Variants in BIRC6 observed in about 807,000 individuals in gnomAD.
BIRC6 encodes dual E2 ubiquitin-conjugating enzyme/E3 ubiquitin-protein ligase BIRC6.
BIRC6 carries 98 observed loss-of-function variants against 503.3 expected under a neutral mutation model. The ratio of observed to expected loss-of-function variants is 0.19; its 90% CI spans 0.17 to 0.23. BIRC6 has a LOEUF of 0.23. Among genes scored for constraint, BIRC6 ranks in the 10% least tolerant of loss-of-function variants. The pLI is 1.00. For missense variants in BIRC6, 5,360 were observed against 5,806.0 expected (o/e 0.92, Z 2.50); for synonymous variants, 2,240 against 2,078.7 (o/e 1.08, Z -2.11).
intron 26 of BIRC6, among the ~76,000 whole-genome samples, chr2:32,466,300 T>C (rs1037913866): frequency 1.3e-5 from 2 of 152,194 alleles, no homozygotes; most frequent in African/African-American, 4.8e-5. Context: ...CTGCCTTCTG[T>C]TTTTTAATTG....
chr2:32,364,125 G>A (rs775197606), intron 1 of BIRC6, among the ~76,000 whole-genome samples: 15 of 152,326 alleles, frequency 9.8e-5, no homozygotes, highest in Non-Finnish European at 5.9e-5. Flanking sequence ...AGGTATATGT[G>A]TGCAGGTATT....
At chr2:32,493,699 A>T (rs1218793235) in intron 45 of BIRC6, 32 bp downstream of exon 45, 1 of 1,508,982 alleles carries the variant, frequency 6.6e-7, no homozygotes. Context: ...TGTTCCTGAT[A>T]TAGAAGTAAC....
rs116170965 is a variant in BIRC6 at position 32,450,021 on chromosome 2, G to C, written c.4618+1093G>C. Among the ~76,000 whole-genome samples, 4 of 152,276 alleles carry C rather than the reference G, an allele frequency of 2.6e-5. No homozygotes were observed. The East Asian group carries it at 7.7e-4, about 29-fold the overall frequency. On this transcript the variant is annotated intron_variant, in intron 22 of 73. Coordinates refer to ENST00000421745, the MANE Select transcript of BIRC6 (RefSeq NM_016252.4). ...TTGTAATTTATGATTGGAACTAGTA[G>C]GAGAGACTAGAACTGGAGATACCAA...
intron 70 of BIRC6, among the ~76,000 whole-genome samples, chr2:32,600,618 A>G (rs1159529526): frequency 6.6e-6 from 1 of 152,218 alleles, no homozygotes; most frequent in African/African-American, 2.4e-5. Context: ...TTTACTTGAG[A>G]CACTGGAACT....
chr2:32,433,450 A>C (rs950836774), intron 12 of BIRC6, among the ~76,000 whole-genome samples, 194 bp from the exon 13 acceptor site: 7 of 149,882 alleles, frequency 4.7e-5, no homozygotes, highest in African/African-American at 1.7e-4. Context: ...GTAGATTTCT[A>C]AAGTAAGATT....
chr2:32,456,550 A>G (rs758040100), intron 23 of BIRC6, among the ~76,000 whole-genome samples: 6 of 152,244 alleles, frequency 3.9e-5, no homozygotes, highest in Non-Finnish European at 7.3e-5. Flanking sequence ...AGCTTCAGTA[A>G]GTAAGTAACC....
intron 44 of BIRC6, 77 bp from the exon 45 acceptor site, chr2:32,493,463 A>T: frequency 7.2e-7 from 1 of 1,382,500 alleles, no homozygotes; most frequent in Non-Finnish European, 9.8e-7. Flanking sequence ...TTGACTTTCT[A>T]CTTGATAATT....
rs1367663491 is a variant in BIRC6, at chr2:32,463,197, G to A, written c.4757G>A (p.Ser1586Asn). Reference sequence around the variant, plus strand: ...TTTACCCCTTGTCTTATGCCAGTGAGTTCCTTCGGGGTTACTCCTGCAGTA... The same window carrying A: ...TTTACCCCTTGTCTTATGCCAGTGAATTCCTTCGGGGTTACTCCTGCAGTA... Reference protein sequence around the residue: ...GTRIERDDAMSSFGVTPAVGG... With the variant: ...GTRIERDDAMNSFGVTPAVGG... The change falls in exon 24 of 74, where the codon AGT (serine) becomes AAT (asparagine). Residue 1586 changes from serine (S) to asparagine (N), a missense_variant. By Grantham distance (46) the Ser-to-Asn change is conservative. Around this residue, in one of 16 missense-constraint regions of BIRC6, gnomAD observed 2,299 missense variants for 2,267.2 expected, o/e 1.01. Transcript: ENST00000421745. 6.2e-7 allele frequency: 1 copy of A among 1,605,750 alleles called. No homozygotes were observed. The highest frequency in any genetic ancestry group is 8.5e-7 in the Non-Finnish European group (1 of 1,177,120).
At position 32,442,581 on chromosome 2, in the gene BIRC6, TTGA is replaced by T. The variant is rs2045543635; in HGVS notation, c.4238+130_4238+132del. ...GTATAATTTAAGAGAATTTCAAAAG[TTGA>T]TGAAGATTGTTGATAATCTTAGCAA... On this transcript the variant is annotated intron_variant, in intron 19 of 73. Transcript: ENST00000421745. 3 of 1,130,978 alleles carry T rather than the reference TTGA, an allele frequency of 2.7e-6. No individual in the cohort carries two copies. The East Asian group carries it at 8.4e-5, about 32-fold the overall frequency. The allele number at this position is 1,130,978 out of a possible 1,614,324, so 70.1% of individuals were successfully genotyped here. A position where few individuals can be genotyped will look rare whatever the true frequency, so the allele number is the denominator to read the frequency against.
intron 4 of BIRC6, among the ~76,000 whole-genome samples, chr2:32,390,918 TGTA>T (rs2039146420): frequency 6.6e-6 from 1 of 152,248 alleles, no homozygotes; most frequent in Non-Finnish European, 1.5e-5. Flanking sequence ...TTTTATATTC[TGTA>T]GTAGTAATCT....
chr2:32,457,007 CCT>C lies in BIRC6; in HGVS notation c.4753+3066_4753+3067del, dbSNP rs1335686709. On this transcript the variant is annotated intron_variant, in intron 23 of 73. Transcript: ENST00000421745. ...CTTGGGCTCGAATGTCCCTCCTGCC[CCT>C]GTCTCCCAAGTACCTGGGATTGCAG... Among the ~76,000 whole-genome samples the C allele has an allele frequency of 1.1e-4, 16 of 152,168 alleles. No individual in the cohort carries two copies. In the East Asian group the frequency reaches 3.1e-3, roughly 29 times the overall value.
At chr2:32,547,254 T>C (rs1023328357) in intron 63 of BIRC6, among the ~76,000 whole-genome samples, 1 of 152,220 alleles carries the variant, frequency 6.6e-6, no homozygotes, top group Non-Finnish European at 1.5e-5. Context: ...ATTGACTTTT[T>C]AGGCTCTAAG....
At chr2:32,595,231 AT>A (rs1255005353) in intron 68 of BIRC6, 87 bp downstream of exon 68, 1 of 777,430 alleles carries the variant, frequency 1.3e-6, no homozygotes, top group Non-Finnish European at 2.0e-6. Context: ...CAAATTAAAG[AT>A]TTTTAAAATT....
Position 32,468,423 on chromosome 2 carries a change from T to G in BIRC6, c.5781-14T>G. 2 of 1,531,948 alleles carry G rather than the reference T, an allele frequency of 1.3e-6. No homozygotes were observed. Among genetic ancestry groups the G allele is most frequent in the Non-Finnish European group, 1.8e-6 (2 of 1,137,498 alleles). The allele number at this position is 1,531,948 out of a possible 1,614,324, so 94.9% of individuals were successfully genotyped here. ...ATTACAAGAATTATTTTGTTCAATC[T>G]TTTTTTACTTTAGGTATAACTTGGC... On this transcript the variant is annotated splice_polypyrimidine_tract_variant and intron_variant, in intron 28 of 73. Coordinates refer to ENST00000421745, the MANE Select transcript of BIRC6 (RefSeq NM_016252.4).
chr2:32,598,006 C>T (rs1188812145), intron 69 of BIRC6, 38 bp downstream of exon 69: 2 of 1,504,110 alleles, frequency 1.3e-6, no homozygotes, highest in Non-Finnish European at 9.1e-7. Context: ...TCCCTTATCT[C>T]CTTGGCTCAT....
intron 72 of BIRC6, among the ~76,000 whole-genome samples, chr2:32,610,479 G>A (rs577137260): frequency 3.0e-4 from 46 of 152,304 alleles, no homozygotes; most frequent in Admixed American, 1.0e-3. Context: ...ATAAAATTAA[G>A]CAAGTAAGAA....
chr2:32,592,156 T>G (rs2061422033), intron 66 of BIRC6, among the ~76,000 whole-genome samples: 1 of 152,204 alleles, frequency 6.6e-6, no homozygotes, highest in Non-Finnish European at 1.5e-5. Flanking sequence ...TTCAGATACA[T>G]GTACATAGAC....
intron 9 of BIRC6, among the ~76,000 whole-genome samples, chr2:32,412,394 G>A (rs2041980715): frequency 6.6e-6 from 1 of 152,084 alleles, no homozygotes; most frequent in South Asian, 2.1e-4. Context: ...CTACTCAGGA[G>A]GCTGAGGCAG....
At chr2:32,504,423 T>G (rs2149507798) in intron 49 of BIRC6, among the ~76,000 whole-genome samples, 1 of 152,066 alleles carries the variant, frequency 6.6e-6, no homozygotes, top group East Asian at 1.9e-4. Context: ...ATCCCAGCAC[T>G]TTGGGTGGCC....
Sources: gnomAD v4.1 joint callset for allele counts (sites outside exome capture counted in the v4.1 genomes callset) on GRCh38, gnomAD v4.1.1 for gene constraint, gnomAD v4.1.1 regional missense constraint, MANE v1.5 for transcripts, NCBI Gene and HGNC (gene_info 2026-07-23, HGNC 2026-07-21) for gene names.